ISX: variants seen among roughly 807,000 people sequenced by gnomAD.
ISX encodes intestine-specific homeobox.
A neutral mutation model predicts 16.9 loss-of-function variants in ISX; 15 were observed. The observed-to-expected ratio is 0.89, with a 90% confidence interval of 0.59 to 1.36. The LOEUF (loss-of-function observed/expected upper bound fraction) is 1.36, where lower values mean the gene tolerates loss of function less well. ISX is among the 40% of genes most tolerant of loss of function. The probability of loss-of-function intolerance (pLI) is 0.00; values close to 1 mark genes in which losing one functional copy is unlikely to be tolerated. For missense variants in ISX, 316 were observed against 306.1 expected, an observed-to-expected ratio of 1.03 and a Z score of -0.24; for synonymous variants, 125 against 119.7, an observed-to-expected ratio of 1.04 and a Z score of -0.29.
At chr22:35,075,509 A>G (rs1002606925) in intron 2 of ISX, among the ~76,000 whole-genome samples, 2 of 152,242 alleles carry the variant, frequency 1.3e-5, no homozygotes, top group Admixed American at 6.5e-5. Context: ...ACACACTTCA[A>G]TAAAGGAGCT....
At chr22:35,071,120 C>T (rs1033917061) in intron 2 of ISX, among the ~76,000 whole-genome samples, 1 of 152,224 alleles carries the variant, frequency 6.6e-6, no homozygotes, top group African/African-American at 2.4e-5. Flanking sequence ...CACCTCCCAT[C>T]ACACCCTCCC....
Position 35,086,715 on chromosome 22 carries a change from G to A in ISX, c.*1022G>A, listed in dbSNP as rs1265143284. Reference sequence around the variant, plus strand: ...GCAAAGTGAGGGCAAGGCCCAGTGTGGAGTGATATTGTTATTCCAAGATTC... The same window carrying A: ...GCAAAGTGAGGGCAAGGCCCAGTGTAGAGTGATATTGTTATTCCAAGATTC... On this transcript the variant is annotated 3_prime_UTR_variant, in exon 5 of 5. Coordinates refer to ENST00000404699, the MANE Select transcript of ISX (RefSeq NM_001303508.2). The A allele has an allele frequency of 1.3e-5, 2 of 152,244 alleles. No individual in the cohort carries two copies. The highest frequency in any genetic ancestry group is 2.9e-5 in the Non-Finnish European group (2 of 68,054). 9.4% of individuals were successfully genotyped at this position (152,244 alleles called of 1,614,324 possible).
chr22:35,081,638 G>A (rs1480573004), intron 2 of ISX, among the ~76,000 whole-genome samples: 1 of 152,162 alleles, frequency 6.6e-6, no homozygotes, highest in African/African-American at 2.4e-5. Flanking sequence ...GGGGTTCATG[G>A]AGGGTTGAGG....
intron 3 of ISX, among the ~76,000 whole-genome samples, chr22:35,083,579 C>T (rs1391867532): frequency 1.3e-5 from 2 of 152,250 alleles, no homozygotes; most frequent in Non-Finnish European, 2.9e-5. Flanking sequence ...ACTGTGGCAC[C>T]GTTAGCATTC....
intron 2 of ISX, among the ~76,000 whole-genome samples, chr22:35,079,186 A>G (rs528245539): frequency 3.5e-4 from 54 of 152,294 alleles, no homozygotes; most frequent in African/African-American, 1.3e-3. Context: ...GTCTACTCCA[A>G]TTCTTAGTAT....
At chr22:35,069,246 A>C (rs1469202865) in intron 2 of ISX, among the ~76,000 whole-genome samples, 7 of 152,230 alleles carry the variant, frequency 4.6e-5, no homozygotes, top group Admixed American at 4.6e-4. Flanking sequence ...GAAAATGCTA[A>C]ACAAATAATA....
chr22:35,076,348 A>T (rs2146291213), intron 2 of ISX, among the ~76,000 whole-genome samples: 1 of 152,346 alleles, frequency 6.6e-6, no homozygotes, highest in Non-Finnish European at 1.5e-5. Flanking sequence ...GGGAAAGCAG[A>T]TGATGCTAGA....
chr22:35,084,930 C>A (rs1342859980), intron 4 of ISX, among the ~76,000 whole-genome samples: 1 of 152,022 alleles, frequency 6.6e-6, no homozygotes, highest in Non-Finnish European at 1.5e-5. Flanking sequence ...GATGAAATAA[C>A]TGAGATGTAG....
chr22:35,067,994 G>C (rs957658111), intron 2 of ISX, among the ~76,000 whole-genome samples: 1 of 152,206 alleles, frequency 6.6e-6, no homozygotes, highest in Non-Finnish European at 1.5e-5. Context: ...CCGCACTGGG[G>C]CATTGGTGTG....
rs1929150574 is a variant in ISX, at chr22:35,082,665, T to C, written c.377T>C (p.Val126Ala). 6 of 1,613,950 alleles carry C rather than the reference T, an allele frequency of 3.7e-6. No homozygotes were observed. The highest frequency in any genetic ancestry group is 1.6e-4 in the Middle Eastern group (1 of 6,084). ...AGGATCAACCTCCCAGAAGCTCGGG[T>C]GCAGGTACAGCCATCCCTACCTCAG... ...AARINLPEAR[V>A]QIWFQNQRAK... The change falls in exon 3 of 5, where the codon GTG becomes GCG. Residue 126 changes from valine (V) to alanine (A), a missense_variant. Transcript: ENST00000404699.
intron 2 of ISX, among the ~76,000 whole-genome samples, chr22:35,073,630 C>T (rs1222543487): frequency 2.0e-5 from 3 of 152,228 alleles, no homozygotes; most frequent in Admixed American, 2.0e-4. Flanking sequence ...TGGTCTGCCA[C>T]GGAGGTCAGA....
intron 2 of ISX, among the ~76,000 whole-genome samples, chr22:35,080,654 T>A (rs1345824787): frequency 6.6e-6 from 1 of 152,206 alleles, no homozygotes; most frequent in Non-Finnish European, 1.5e-5. Flanking sequence ...CCACCACCAC[T>A]GTACCACTAG....
In ISX at chr22:35,067,177, C is replaced by G. The variant is rs1028312629; in HGVS notation, c.90C>G (p.Ser30=). Residue 30 remains serine (S), a synonymous_variant, in exon 2 of 5, where the codon TCC becomes TCG. Transcript: ENST00000404699. ...CCEAPKKLSL[S]FSIEAILKRP... ...AGGCCCCGAAGAAGCTGAGCCTGTC[C>G]TTCTCCATTGAGGCGATCCTAAAGA... is the stretch of plus-strand genomic sequence containing the variant. 1.5e-5 allele frequency: 24 copies of G among 1,613,108 alleles called. No individual in the cohort carries two copies. The highest frequency in any genetic ancestry group is 1.8e-5 in the Non-Finnish European group (21 of 1,179,520).
chr22:35,072,578 GACA>G (rs1292477029), intron 2 of ISX, among the ~76,000 whole-genome samples: 1 of 152,174 alleles, frequency 6.6e-6, no homozygotes, highest in Non-Finnish European at 1.5e-5. Context: ...GCCAGCCACT[GACA>G]ACATCAACTA....
chr22:35,068,441 T>C (rs983609529), intron 2 of ISX, among the ~76,000 whole-genome samples: 1 of 152,136 alleles, frequency 6.6e-6, no homozygotes, highest in African/African-American at 2.4e-5. Context: ...GCCTGGTGTG[T>C]TTCCCTATAG....
Position 35,085,767 on chromosome 22 carries a change from C to A in ISX, c.*74C>A. Reference sequence around the variant, plus strand: ...GGCAGGTAGCAGATGTGCCCTGGGCCTCTGGGGAAATCGATTTCACAATCC... The same window carrying A: ...GGCAGGTAGCAGATGTGCCCTGGGCATCTGGGGAAATCGATTTCACAATCC... On this transcript the variant is annotated 3_prime_UTR_variant, in exon 5 of 5. Transcript: ENST00000404699. 6.3e-7 allele frequency: 1 copy of A among 1,591,128 alleles called. No homozygotes were observed. Among genetic ancestry groups the A allele is most frequent in the Non-Finnish European group, 8.6e-7 (1 of 1,162,300 alleles).
chr22:35,069,030 A>G (rs1029063415), intron 2 of ISX, among the ~76,000 whole-genome samples: 1 of 152,160 alleles, frequency 6.6e-6, no homozygotes, highest in Admixed American at 6.5e-5. Context: ...GCATTTCTGA[A>G]AGCTTGGAGA....
Position 35,085,999 on chromosome 22 carries a change from T to C in ISX, c.*306T>C. 2.4e-6 allele frequency: 1 copy of C among 420,260 alleles called. No homozygotes were observed. The highest frequency in any genetic ancestry group is 4.4e-6 in the Non-Finnish European group (1 of 224,986). The allele number at this position is 420,260 out of a possible 1,614,324, so 26.0% of individuals were successfully genotyped here. A position where few individuals can be genotyped will look rare whatever the true frequency, so the allele number is the denominator to read the frequency against. The stretch of plus-strand genomic sequence containing the variant: ...TCCAGCACCTGTGTTTCCTCTAACT[T>C]GCTGTGTGACCTCCAGCCGGTCACT... On this transcript the variant is annotated 3_prime_UTR_variant, in exon 5 of 5. Transcript: ENST00000404699.
At chr22:35,069,815 T>C (rs1928802527) in intron 2 of ISX, among the ~76,000 whole-genome samples, 2 of 152,208 alleles carry the variant, frequency 1.3e-5, no homozygotes, top group African/African-American at 4.8e-5. Context: ...AGAATAATGA[T>C]AGAGGAATAA....
Sources: gnomAD v4.1 joint callset for allele counts (sites outside exome capture counted in the v4.1 genomes callset) on GRCh38, gnomAD v4.1.1 for gene constraint, MANE v1.5 for transcripts, NCBI Gene and HGNC (gene_info 2026-07-23, HGNC 2026-07-21) for gene names.